The following MTMR7 variants were observed in gnomAD, a reference collection of about 807,000 sequenced individuals.
The protein encoded by MTMR7 is myotubularin related protein 7, also known as phosphatidylinositol-3-phosphate phosphatase MTMR7.
In MTMR7, 76 loss-of-function variants were observed where a neutral mutation model predicts 81.2. The observed-to-expected ratio is 0.94, with a 90% confidence interval of 0.78 to 1.13. The LOEUF is 1.13. Ranked by LOEUF, MTMR7 falls within the 50% of genes most tolerant of loss-of-function variation. The pLI is 0.00. For synonymous variants in MTMR7, 372 were observed against 289.8 expected, an observed-to-expected ratio of 1.28 and a Z score of -2.88; for missense variants, 1,044 against 820.0, an observed-to-expected ratio of 1.27 and a Z score of -3.34.
chr8:17,407,774 T>A (rs926188120), intron 1 of MTMR7, among the ~76,000 whole-genome samples: 1 of 152,172 alleles, frequency 6.6e-6, no homozygotes, highest in Non-Finnish European at 1.5e-5. Context: ...ATATTAAAAG[T>A]GGCTAATTTC....
At chr8:17,389,476 C>G (rs180801366) in intron 1 of MTMR7, among the ~76,000 whole-genome samples, 1 of 152,218 alleles carries the variant, frequency 6.6e-6, no homozygotes. Context: ...GATCACACTT[C>G]AGAACATCAC....
chr8:17,336,956 T>C (rs906018589), intron 6 of MTMR7, among the ~76,000 whole-genome samples: 2 of 152,208 alleles, frequency 1.3e-5, no homozygotes, highest in Non-Finnish European at 2.9e-5. Context: ...AATCCTGGAA[T>C]GTAAACTGTG....
chr8:17,343,718 G>A (rs553016025), intron 5 of MTMR7, among the ~76,000 whole-genome samples: 1 of 152,218 alleles, frequency 6.6e-6, no homozygotes. Context: ...ATATTAAACA[G>A]ACTACATTTT....
chr8:17,403,125 G>A (rs2150584888), intron 1 of MTMR7, among the ~76,000 whole-genome samples: 1 of 152,102 alleles, frequency 6.6e-6, no homozygotes, highest in South Asian at 2.1e-4. Flanking sequence ...AGTTGTTTGA[G>A]CCCCTTATAT....
chr8:17,360,841 T>G (rs555126298), intron 4 of MTMR7, among the ~76,000 whole-genome samples: 2 of 152,234 alleles, frequency 1.3e-5, no homozygotes, highest in African/African-American at 4.8e-5. Flanking sequence ...ACCAACTGCC[T>G]GTCCACAAGG....
At chr8:17,413,208 T>C (rs566023041) in intron 1 of MTMR7, 61 bp downstream of exon 1, 12 of 1,511,890 alleles carry the variant, frequency 7.9e-6, no homozygotes, top group Non-Finnish European at 1.1e-5. Flanking sequence ...GCGCTCAGCA[T>C]CCCTCCTCCT....
chr8:17,384,967 C>A (rs1298428465), intron 1 of MTMR7, among the ~76,000 whole-genome samples: 5 of 152,170 alleles, frequency 3.3e-5, no homozygotes, highest in African/African-American at 1.2e-4. Context: ...CTCTACCTTT[C>A]ACGAAATCCC....
At position 17,344,865 on chromosome 8, in the gene MTMR7, G is replaced by T. The variant is rs538144951; in HGVS notation, c.598-3368C>A. Among the ~76,000 whole-genome samples the T allele has an allele frequency of 5.3e-5, 8 of 152,234 alleles. No individual in the cohort carries two copies. The South Asian group carries it at 1.7e-3, about 32-fold the overall frequency. On this transcript the variant is annotated intron_variant, in intron 5 of 13. Coordinates refer to ENST00000180173, the MANE Select transcript of MTMR7 (RefSeq NM_004686.5). ...CCATGAAGGTCTGTATTTTTCCTAA[G>T]GAAAGTTGCCTCACTGGAAATCTTC... is the stretch of plus-strand genomic sequence containing the variant.
intron 1 of MTMR7, among the ~76,000 whole-genome samples, chr8:17,389,602 A>G (rs1821043694): frequency 6.6e-6 from 1 of 152,236 alleles, no homozygotes; most frequent in South Asian, 2.1e-4. Context: ...AATTAACAGT[A>G]CTATGGTAAA....
At chr8:17,397,421 G>A (rs544644321) in intron 1 of MTMR7, among the ~76,000 whole-genome samples, 119 of 152,268 alleles carry the variant, frequency 7.8e-4, no homozygotes, top group Middle Eastern at 3.4e-3. Flanking sequence ...AGCGAACGTC[G>A]GTGGTGGCCT....
intron 1 of MTMR7, among the ~76,000 whole-genome samples, chr8:17,397,598 C>A (rs989635726): frequency 6.6e-6 from 1 of 152,188 alleles, no homozygotes; most frequent in East Asian, 1.9e-4. Flanking sequence ...GACTCCAATC[C>A]TTGGCTCCCA....
At chr8:17,360,766 C>T (rs1820035290) in intron 4 of MTMR7, among the ~76,000 whole-genome samples, 1 of 151,906 alleles carries the variant, frequency 6.6e-6, no homozygotes, top group Non-Finnish European at 1.5e-5. Flanking sequence ...CCTGACTTGC[C>T]CACTAATCAC....
chr8:17,337,044 C>A (rs771791221), intron 6 of MTMR7, among the ~76,000 whole-genome samples: 7 of 152,146 alleles, frequency 4.6e-5, no homozygotes, highest in Admixed American at 1.3e-4. Flanking sequence ...ACAAAACCCT[C>A]CTAACTTGCC....
chr8:17,359,782 G>A lies in MTMR7; in HGVS notation c.468+1335C>T, dbSNP rs145625529. ...AAGAAATCACTCATTATACCATCAA[G>A]GTATCAAAAGATTTTTAAAAACTAA... On this transcript the variant is annotated intron_variant, in intron 4 of 13. Coordinates refer to ENST00000180173, the MANE Select transcript of MTMR7 (RefSeq NM_004686.5). 3.7e-3 allele frequency among the ~76,000 whole-genome samples: 563 copies of A among 152,128 alleles called. 3 individuals are homozygous for A. Among genetic ancestry groups the A allele is most frequent in the African/African-American group, 0.013 (539 of 41,498 alleles).
intron 1 of MTMR7, among the ~76,000 whole-genome samples, chr8:17,394,012 C>T (rs576216920): frequency 4.6e-5 from 7 of 152,196 alleles, no homozygotes; most frequent in Non-Finnish European, 7.3e-5. Flanking sequence ...TACCGCTTCA[C>T]ACCCATTAGG....
intron 7 of MTMR7, among the ~76,000 whole-genome samples, chr8:17,329,503 T>C (rs1293878250): frequency 6.6e-6 from 1 of 152,160 alleles, no homozygotes; most frequent in Admixed American, 6.5e-5. Context: ...GCAGGAGAAA[T>C]GGTTCCTGAC....
intron 1 of MTMR7, among the ~76,000 whole-genome samples, chr8:17,398,101 A>G (rs946355102): frequency 2.0e-5 from 3 of 152,292 alleles, no homozygotes; most frequent in African/African-American, 7.2e-5. Context: ...CCCACACTGC[A>G]AAGACTACAA....
At chr8:17,359,318 A>G (rs11989100) in intron 4 of MTMR7, among the ~76,000 whole-genome samples, 40,052 of 152,006 alleles carry the variant, frequency 0.26, 8,362 homozygotes, top group African/African-American at 0.58. Context: ...ATCCTCGTGA[A>G]ACTGGGCGAG....
intron 13 of MTMR7, among the ~76,000 whole-genome samples, chr8:17,300,811 T>G (rs1190155286): frequency 6.6e-6 from 1 of 152,240 alleles, no homozygotes; most frequent in Non-Finnish European, 1.5e-5. Flanking sequence ...ACTGATCAAC[T>G]TCTATCTCTA....
Sources: allele counts gnomAD v4.1 joint callset (sites outside exome capture counted in the v4.1 genomes callset), GRCh38; gene constraint gnomAD v4.1.1; transcripts MANE v1.5; gene names NCBI Gene and HGNC (gene_info 2026-07-23, HGNC 2026-07-21).